The following ASTN2 variants were observed in gnomAD, a reference collection of about 807,000 sequenced individuals.
ASTN2 encodes astrotactin 2, also known as astrotactin-2.
In ASTN2, 54 loss-of-function variants were observed where a neutral mutation model predicts 139.8. The ratio of observed to expected loss-of-function variants is 0.39; its 90% confidence interval spans 0.31 to 0.48. The LOEUF is 0.48. ASTN2 is among the 20% of genes least tolerant of loss of function. ASTN2 has a pLI of 0.95. For synonymous variants in ASTN2, 756 were observed against 719.5 expected, an observed-to-expected ratio of 1.05 and a Z score of -0.81; for missense variants, 1,565 against 1,725.1, an observed-to-expected ratio of 0.91 and a Z score of 1.64.
intron 12 of ASTN2, among the ~76,000 whole-genome samples, chr9:116,813,980 G>A (rs998322478): frequency 3.3e-5 from 5 of 149,438 alleles, no homozygotes; most frequent in African/African-American, 1.2e-4. Flanking sequence ...TGGTTGCGGT[G>A]AACTGAGATT....
At chr9:117,173,095 C>T (rs745865556) in intron 3 of ASTN2, among the ~76,000 whole-genome samples, 3 of 152,096 alleles carry the variant, frequency 2.0e-5, no homozygotes, top group Non-Finnish European at 2.9e-5. Context: ...AGGAAAAATA[C>T]TAACTAGCAT....
At chr9:117,082,448 G>A (rs943450115) in intron 5 of ASTN2, among the ~76,000 whole-genome samples, 1 of 152,034 alleles carries the variant, frequency 6.6e-6, no homozygotes, top group Non-Finnish European at 1.5e-5. Context: ...CTCCTAACTA[G>A]TCTCCCTACC....
intron 10 of ASTN2, among the ~76,000 whole-genome samples, chr9:116,886,770 A>G (rs1235670247): frequency 6.6e-6 from 1 of 152,210 alleles, no homozygotes; most frequent in East Asian, 1.9e-4. Flanking sequence ...CATGATAGGT[A>G]CTGCTCTAGG....
intron 1 of ASTN2, among the ~76,000 whole-genome samples, chr9:117,384,987 T>A (rs1830360437): frequency 1.3e-5 from 2 of 152,144 alleles, no homozygotes. Context: ...AATACCTCAG[T>A]ATTTCCTTTC....
At chr9:117,284,828 T>G (rs1360048823) in intron 2 of ASTN2, among the ~76,000 whole-genome samples, 1 of 152,198 alleles carries the variant, frequency 6.6e-6, no homozygotes, top group Non-Finnish European at 1.5e-5. Context: ...AGAAAGTACA[T>G]GCTCAAATCC....
chr9:117,068,883 T>A (rs532295179), intron 5 of ASTN2, among the ~76,000 whole-genome samples: 21 of 117,850 alleles, frequency 1.8e-4, no homozygotes, highest in African/African-American at 4.7e-4. Flanking sequence ...ATTGTGTCTA[T>A]TTGATTCTTC....
intron 10 of ASTN2, among the ~76,000 whole-genome samples, chr9:116,905,216 G>A (rs1202950401): frequency 2.0e-5 from 3 of 152,154 alleles, no homozygotes; most frequent in Non-Finnish European, 4.4e-5. Context: ...TGCTCCTTTT[G>A]AAATGTCCTA....
At chr9:116,440,868 G>A in intron 21 of ASTN2, 76 bp from the exon 22 acceptor site, 3 of 1,435,716 alleles carry the variant, frequency 2.1e-6, no homozygotes, top group Non-Finnish European at 1.9e-6. Context: ...GCTTCAATAA[G>A]AAAGGCACAG....
chr9:116,847,317 T>C (rs1246042028), intron 11 of ASTN2, among the ~76,000 whole-genome samples: 1 of 152,158 alleles, frequency 6.6e-6, no homozygotes, highest in African/African-American at 2.4e-5. Flanking sequence ...CGTTTCACTA[T>C]GTTGGCCAGG....
intron 10 of ASTN2, among the ~76,000 whole-genome samples, chr9:116,965,806 T>C (rs771356456): frequency 6.6e-6 from 1 of 152,144 alleles, no homozygotes; most frequent in African/African-American, 2.4e-5. Flanking sequence ...GAATGATGAA[T>C]GGGTAGATGG....
intron 3 of ASTN2, among the ~76,000 whole-genome samples, chr9:117,142,273 A>G (rs1461575048): frequency 3.3e-5 from 5 of 152,236 alleles, no homozygotes; most frequent in African/African-American, 1.2e-4. Context: ...TTTGAAAACA[A>G]TCACTAACTA....
At chr9:116,588,059 T>A (rs1167874552) in intron 19 of ASTN2, among the ~76,000 whole-genome samples, 1 of 152,140 alleles carries the variant, frequency 6.6e-6, no homozygotes, top group Non-Finnish European at 1.5e-5. Context: ...AGGTCTACAG[T>A]GTTACTACAA....
chr9:116,490,272 TAAAAAAAAA>T (rs140391473), intron 19 of ASTN2, among the ~76,000 whole-genome samples: 8 of 37,908 alleles, frequency 2.1e-4, no homozygotes, highest in Non-Finnish European at 3.2e-4. Flanking sequence ...TGATAAAAAG[TAAAAAAAAA>T]AAAAAAAAAA....
At chr9:116,941,874 C>A (rs1432462663) in intron 10 of ASTN2, among the ~76,000 whole-genome samples, 1 of 151,724 alleles carries the variant, frequency 6.6e-6, no homozygotes, top group African/African-American at 2.4e-5. Context: ...ACTACCAAAA[C>A]CAAGCAAGAT....
Position 117,055,872 on chromosome 9 carries a change from A to G in ASTN2, c.1277-15907T>C, listed in dbSNP as rs1839045448. 2.0e-5 allele frequency among the ~76,000 whole-genome samples: 3 copies of G among 152,328 alleles called. No individual in the cohort carries two copies. In the South Asian group the frequency reaches 6.2e-4, roughly 32 times the overall value. On this transcript the variant is annotated intron_variant, in intron 5 of 22. Coordinates refer to ENST00000313400, the MANE Select transcript of ASTN2 (RefSeq NM_001365068.1). ...GCATATATCCAATGCAAGAAGGTAA[A>G]TGTTATGCAATGCCACTTCCAAGGT...
chr9:116,707,423 G>A (rs1010353102), intron 16 of ASTN2, among the ~76,000 whole-genome samples: 4 of 151,952 alleles, frequency 2.6e-5, no homozygotes, highest in East Asian at 1.9e-4. Flanking sequence ...CTGTTGGCAC[G>A]GGAGAGAACC....
intron 3 of ASTN2, among the ~76,000 whole-genome samples, chr9:117,183,655 A>C (rs867698571): frequency 3.9e-5 from 6 of 152,124 alleles, no homozygotes; most frequent in Non-Finnish European, 8.8e-5. Context: ...ATTTCTATCC[A>C]CTACTCTCTA....
chr9:116,957,267 A>T (rs1034889086), intron 10 of ASTN2, among the ~76,000 whole-genome samples: 10 of 152,320 alleles, frequency 6.6e-5, no homozygotes, highest in Admixed American at 5.9e-4. Flanking sequence ...GCATACATAC[A>T]CATACATACA....
At chr9:117,154,264 T>C (rs1324281920) in intron 3 of ASTN2, among the ~76,000 whole-genome samples, 1 of 152,066 alleles carries the variant, frequency 6.6e-6, no homozygotes, top group Admixed American at 6.6e-5. Context: ...AGGCTTGGGA[T>C]TTTCCATTTA....
Sources: allele counts gnomAD v4.1 joint callset (sites outside exome capture counted in the v4.1 genomes callset), GRCh38; gene constraint gnomAD v4.1.1; transcripts MANE v1.5; gene names NCBI Gene and HGNC (gene_info 2026-07-23, HGNC 2026-07-21).